GCA: variants seen among roughly 807,000 people sequenced by gnomAD.
The protein encoded by GCA is grancalcin, EF-hand calcium-binding protein.
A neutral mutation model predicts 32.6 loss-of-function variants in GCA; 30 were observed. That is an observed-to-expected ratio of 0.92 (90% confidence interval 0.69 to 1.25). The LOEUF is 1.25. GCA is among the 50% of genes most tolerant of loss of function. The probability of loss-of-function intolerance (pLI) is 0.00; values close to 1 mark genes in which losing one functional copy is unlikely to be tolerated. For synonymous variants in GCA, 102 were observed against 84.6 expected, an observed-to-expected ratio of 1.21 and a Z score of -1.13; for missense variants, 291 against 266.8, an observed-to-expected ratio of 1.09 and a Z score of -0.63.
intron 1 of GCA, among the ~76,000 whole-genome samples, chr2:162,335,810 T>A (rs1042578652): frequency 6.6e-6 from 1 of 152,166 alleles, no homozygotes; most frequent in African/African-American, 2.4e-5. Flanking sequence ...GAACTTGGAG[T>A]CAATTGTCAA....
downstream of GCA, chr2:162,371,936 A>C: frequency 6.2e-7 from 1 of 1,613,904 alleles, no homozygotes; most frequent in East Asian, 2.2e-5. Context: ...GGATGAACGT[A>C]AGTTTTTCTT....
chr2:162,334,937 C>G (rs1474092328), intron 1 of GCA, among the ~76,000 whole-genome samples: 1 of 152,148 alleles, frequency 6.6e-6, no homozygotes, highest in Non-Finnish European at 1.5e-5. Context: ...CTATTGTTTT[C>G]TCTCGCTCAG....
At position 162,347,738 on chromosome 2, in the gene GCA, G is replaced by T; in HGVS notation, c.188G>T (p.Gly63Val). Residue 63 changes from glycine to valine, a missense_variant, in exon 2 of 8, where the codon GGA becomes GTA. Coordinates refer to ENST00000437150, the MANE Select transcript of GCA (RefSeq NM_012198.5). ...SVYTYFSAVAGQDGEVDAEEL... is the reference protein window; with the variant it reads ...SVYTYFSAVAVQDGEVDAEEL... ...TATACTTACTTCAGTGCTGTTGCTG[G>T]ACAGGTGAGATGCTAAATTTATTGC... The T allele has an allele frequency of 6.6e-7, 1 of 1,519,398 alleles. No homozygotes were observed. The highest frequency in any genetic ancestry group is 8.9e-7 in the Non-Finnish European group (1 of 1,125,630). 94.1% of individuals were successfully genotyped at this position (1,519,398 alleles called of 1,614,324 possible).
rs748953074 is a variant in GCA at position 162,347,569 on chromosome 2, C to G, written c.28-9C>G. 1.3e-6 allele frequency: 2 copies of G among 1,583,580 alleles called. No individual in the cohort carries two copies. Among genetic ancestry groups the G allele is most frequent in the Non-Finnish European group, 1.7e-6 (2 of 1,158,430 alleles). On this transcript the variant is annotated splice_polypyrimidine_tract_variant and intron_variant, in intron 1 of 7. Coordinates refer to ENST00000437150, the MANE Select transcript of GCA (RefSeq NM_012198.5). ...ATATTACTAACCTTCTCCCCTTTCA[C>G]TATTATAGTTTGGAAATTTTAGCAT...
At chr2:162,336,665 A>G (rs1044826968) in intron 1 of GCA, among the ~76,000 whole-genome samples, 14 of 152,186 alleles carry the variant, frequency 9.2e-5, no homozygotes, top group African/African-American at 3.4e-4. Flanking sequence ...TCTGTCTTCT[A>G]TATAGCCTAG....
At chr2:162,345,736 C>T (rs772972125) in intron 1 of GCA, among the ~76,000 whole-genome samples, 3 of 152,114 alleles carry the variant, frequency 2.0e-5, no homozygotes, top group Non-Finnish European at 2.9e-5. Context: ...AGATTAGAGG[C>T]ACTGATTTTA....
rs374522232 is a variant in GCA at position 162,359,184 on chromosome 2, C to T, written c.568+27C>T. On this transcript the variant is annotated intron_variant, in intron 6 of 7. Transcript: ENST00000437150. ...TATTGACTATTTAAAACTAAGTGCACAGTGTTATGTAGCTATTTTTCTTGA... is the reference window on the plus strand; with the variant it reads ...TATTGACTATTTAAAACTAAGTGCATAGTGTTATGTAGCTATTTTTCTTGA... The T allele has an allele frequency of 2.5e-4, 308 of 1,216,004 alleles. 1 individual carries two copies. The highest frequency in any genetic ancestry group is 1.4e-4 in the Admixed American group (8 of 58,488). The allele number at this position is 1,216,004 out of a possible 1,614,324, so 75.3% of individuals were successfully genotyped here. A position where few individuals can be genotyped will look rare whatever the true frequency, so the allele number is the denominator to read the frequency against.
chr2:162,327,653 C>G (rs1683933391), intron 1 of GCA, among the ~76,000 whole-genome samples: 1 of 152,132 alleles, frequency 6.6e-6, no homozygotes, highest in Non-Finnish European at 1.5e-5. Context: ...GCCTAGGCAG[C>G]TGAGCTGAGA....
intron 1 of GCA, among the ~76,000 whole-genome samples, chr2:162,334,255 C>T (rs1043602341): frequency 6.6e-6 from 1 of 151,488 alleles, no homozygotes; most frequent in African/African-American, 2.4e-5. Flanking sequence ...TAACTATGTA[C>T]AATTATAGAT....
chr2:162,372,336 A>T (rs1399521152), downstream of GCA, among the ~76,000 whole-genome samples: 2 of 152,142 alleles, frequency 1.3e-5, no homozygotes, highest in African/African-American at 4.8e-5. Flanking sequence ...TTTAAAAATC[A>T]GATTTAAAAA....
upstream of GCA, among the ~76,000 whole-genome samples, chr2:162,341,457 G>T (rs1458803794): frequency 6.6e-6 from 1 of 151,596 alleles, no homozygotes; most frequent in African/African-American, 2.4e-5. Context: ...ACATTTTACT[G>T]GTAAATGTGC....
intron 4 of GCA, chr2:162,371,236 T>C: frequency 1.5e-6 from 1 of 683,416 alleles, no homozygotes; most frequent in Non-Finnish European, 2.3e-6. Flanking sequence ...TTGGCCTATG[T>C]TTAGTTTTTG....
chr2:162,350,291 C>T (rs576015392), intron 2 of GCA, among the ~76,000 whole-genome samples: 1 of 152,258 alleles, frequency 6.6e-6, no homozygotes, highest in Non-Finnish European at 1.5e-5. Context: ...CAGTAGCCAT[C>T]TCGTGACCCT....
chr2:162,331,216 C>T (rs1669775215), intron 1 of GCA, among the ~76,000 whole-genome samples: 1 of 152,200 alleles, frequency 6.6e-6, no homozygotes, highest in Non-Finnish European at 1.5e-5. Flanking sequence ...AACAAGAAGG[C>T]AGAGCACTGC....
upstream of GCA, among the ~76,000 whole-genome samples, chr2:162,342,979 G>T (rs536193911): frequency 6.6e-6 from 1 of 152,298 alleles, no homozygotes; most frequent in East Asian, 1.9e-4. Context: ...GGAACTTACA[G>T]ACACTTTCCC....
chr2:162,371,109 G>A (rs1685924106), intron 4 of GCA, among the ~76,000 whole-genome samples: 1 of 152,084 alleles, frequency 6.6e-6, no homozygotes, highest in Admixed American at 6.6e-5. Flanking sequence ...AAAGCAAAAT[G>A]AGAGAAATTT....
chr2:162,352,290 C>T, intron 2 of GCA, 48 bp from the exon 3 acceptor site: 1 of 1,084,932 alleles, frequency 9.2e-7, no homozygotes, highest in African/African-American at 1.5e-5. Context: ...TTTTAATATG[C>T]TTTTATACAA....
At chr2:162,341,188 T>C (rs1033302624), upstream of GCA, among the ~76,000 whole-genome samples, 13 of 150,716 alleles carry the variant, frequency 8.6e-5, no homozygotes, top group African/African-American at 3.2e-4. Context: ...TGAATTGTTC[T>C]ATCTAAATGA....
At chr2:162,330,162 C>A (rs1040410974) in intron 1 of GCA, among the ~76,000 whole-genome samples, 2 of 152,226 alleles carry the variant, frequency 1.3e-5, no homozygotes, top group Admixed American at 1.3e-4. Flanking sequence ...TACAATAGAA[C>A]AACTTTTATT....
Sources: gnomAD v4.1 joint callset for allele counts (sites outside exome capture counted in the v4.1 genomes callset) on GRCh38, gnomAD v4.1.1 for gene constraint, MANE v1.5 for transcripts, NCBI Gene and HGNC (gene_info 2026-07-23, HGNC 2026-07-21) for gene names.